Variants in ZNF527 observed in about 807,000 individuals in gnomAD.
The protein encoded by ZNF527 is zinc finger protein 527.
A neutral mutation model predicts 13.5 loss-of-function variants in ZNF527; 5 were observed. The observed-to-expected ratio is 0.37, with a 90% CI of 0.19 to 0.78. The LOEUF (loss-of-function observed/expected upper bound fraction) is 0.78. ZNF527 is among the 30% of genes least tolerant of loss of function. ZNF527 has a pLI of 0.48. For missense variants in ZNF527, 628 were observed against 726.4 expected (o/e 0.86, Z 1.56); for synonymous variants, 209 against 243.1 (o/e 0.86, Z 1.30).
intron 4 of ZNF527, among the ~76,000 whole-genome samples, chr19:37,383,501 G>T (rs546826498): frequency 4.8e-4 from 73 of 151,046 alleles, no homozygotes; most frequent in African/African-American, 1.7e-3. Flanking sequence ...CTCCCAATGT[G>T]CTGGGATTAT....
In ZNF527 at chr19:37,388,457, T is replaced by A; in HGVS notation, c.408T>A (p.Phe136Leu). The A allele has an allele frequency of 6.2e-7, 1 of 1,614,176 alleles. No homozygotes were observed. Among genetic ancestry groups the A allele is most frequent in the Non-Finnish European group, 8.5e-7 (1 of 1,180,020 alleles). ...AAGCCTGGAAATATAAGGGTGAATT[T>A]GAGCTACATCAGGGAAATGCGGAGA... Reference protein sequence around the residue: ...FREAWKYKGEFELHQGNAERH... With the variant: ...FREAWKYKGELELHQGNAERH... Residue 136 changes from phenylalanine to leucine, a missense_variant, in exon 5 of 5, where the codon TTT becomes TTA. Phe to Leu is a conservative substitution (Grantham distance 22). Around this residue, in one of 3 missense-constraint regions of ZNF527, gnomAD observed 592 missense variants for 678.0 expected, o/e 0.87. Transcript: ENST00000436120.
rs1416078303 is a variant in ZNF527, at chr19:37,380,391, G to A, written c.256+19G>A. On this transcript the variant is annotated intron_variant, in intron 4 of 4. Transcript: ENST00000436120. ...TGTGCAGGTGAGTGACAGATCACCAGGCAGGGAGGACTATTGTAAGGTACT... is the reference window on the plus strand; with the variant it reads ...TGTGCAGGTGAGTGACAGATCACCAAGCAGGGAGGACTATTGTAAGGTACT... 1 of 1,606,974 alleles carries A rather than the reference G, an allele frequency of 6.2e-7. No homozygotes were observed. The highest frequency in any genetic ancestry group is 2.2e-5 in the East Asian group (1 of 44,828).
At chr19:37,372,712 AT>A (rs1309078629) in intron 1 of ZNF527, among the ~76,000 whole-genome samples, 1 of 151,538 alleles carries the variant, frequency 6.6e-6, no homozygotes, top group Admixed American at 6.6e-5. Context: ...GTCTCAAGTG[AT>A]TTGCCCACCT....
Position 37,380,326 on chromosome 19 carries a change from G to T in ZNF527, c.210G>T (p.Lys70Asn). The change falls in exon 4 of 5, where the codon AAG becomes AAT. Residue 70 changes from lysine to asparagine, a missense_variant. Lys to Asn is a moderately conservative substitution (Grantham distance 94). Coordinates refer to ENST00000436120, the MANE Select transcript of ZNF527 (RefSeq NM_032453.2). ...PNMISLLEQG[K>N]EPWMVERKMS... ...TGATCTCCTTACTGGAGCAAGGGAA[G>T]GAACCGTGGATGGTGGAGAGAAAGA... The T allele has an allele frequency of 6.2e-7, 1 of 1,614,116 alleles. No individual in the cohort carries two copies. Among genetic ancestry groups the T allele is most frequent in the South Asian group, 1.1e-5 (1 of 91,082 alleles).
chr19:37,376,001 G>A (rs567159500), intron 2 of ZNF527, among the ~76,000 whole-genome samples: 1 of 152,334 alleles, frequency 6.6e-6, no homozygotes, highest in East Asian at 1.9e-4. Context: ...TTCATGGAAT[G>A]ACTGGGATGA....
chr19:37,387,271 A>C (rs1044732063), intron 4 of ZNF527, among the ~76,000 whole-genome samples: 1 of 152,242 alleles, frequency 6.6e-6, no homozygotes, highest in African/African-American at 2.4e-5. Context: ...ATATTTTGGA[A>C]TCCTGATTAT....
intron 1 of ZNF527, among the ~76,000 whole-genome samples, chr19:37,372,462 CTTTTCTTTT>C (rs1401377902): frequency 1.9e-5 from 2 of 106,688 alleles, no homozygotes; most frequent in African/African-American, 4.6e-5. Flanking sequence ...CTTTTCTTTT[CTTTTCTTTT>C]TTTTTTTTTT....
At chr19:37,382,127 C>G (rs1703786427) in intron 4 of ZNF527, among the ~76,000 whole-genome samples, 1 of 152,014 alleles carries the variant, frequency 6.6e-6, no homozygotes, top group African/African-American at 2.4e-5. Context: ...TCTTATTTTC[C>G]TTGCCCCAGC....
intron 4 of ZNF527, among the ~76,000 whole-genome samples, chr19:37,387,115 G>C (rs1231544455): frequency 6.6e-6 from 1 of 152,208 alleles, no homozygotes; most frequent in African/African-American, 2.4e-5. Context: ...GACCTATACT[G>C]GAGACAGCTT....
Position 37,380,445 on chromosome 19 carries a change from T to C in ZNF527, c.256+73T>C, listed in dbSNP as rs966222534. ...CCAAGTAGTAAGTAGGAAACTGTTTTGAGCTTCAGGTGGGATGAGAACTGA... is the reference window on the plus strand; with the variant it reads ...CCAAGTAGTAAGTAGGAAACTGTTTCGAGCTTCAGGTGGGATGAGAACTGA... On this transcript the variant is annotated intron_variant, in intron 4 of 4. Coordinates refer to ENST00000436120, the MANE Select transcript of ZNF527 (RefSeq NM_032453.2). 8.4e-6 allele frequency: 11 copies of C among 1,308,648 alleles called. No homozygotes were observed. The Admixed American group carries it at 2.0e-4, about 24-fold the overall frequency. The allele number at this position is 1,308,648 out of a possible 1,614,324, so 81.1% of individuals were successfully genotyped here.
intron 2 of ZNF527, among the ~76,000 whole-genome samples, chr19:37,377,712 GGGGCCCCTGACA>G (rs2040619606): frequency 6.6e-6 from 1 of 152,142 alleles, no homozygotes; most frequent in South Asian, 2.1e-4. Context: ...GCTGGGTGGA[GGGGCCCCTGACA>G]GGTGCTCTGA....
Position 37,392,580 on chromosome 19 carries a change from G to A in ZNF527, c.*2701G>A, listed in dbSNP as rs1335811599. 6.6e-6 allele frequency: 1 copy of A among 152,040 alleles called. No homozygotes were observed. Among genetic ancestry groups the A allele is most frequent in the Non-Finnish European group, 1.5e-5 (1 of 68,022 alleles). 9.4% of individuals were successfully genotyped at this position (152,040 alleles called of 1,614,324 possible). On this transcript the variant is annotated 3_prime_UTR_variant, in exon 5 of 5. Transcript: ENST00000436120. ...AAGTTTCGCGTTTTTCTGTAGAGAT[G>A]GGGTTTCGCGAGTTGCCCAGGCTGG... is the stretch of plus-strand genomic sequence containing the variant.
chr19:37,386,140 C>CGTTTTTT (rs2040696803), intron 4 of ZNF527, among the ~76,000 whole-genome samples: 1 of 72,456 alleles, frequency 1.4e-5, no homozygotes, highest in African/African-American at 6.7e-5. Context: ...TCTTCTTTTC[C>CGTTTTTT]TTTTTTTTTT....
intron 4 of ZNF527, chr19:37,385,627 A>G: frequency 3.2e-6 from 1 of 313,336 alleles, no homozygotes; most frequent in Non-Finnish European, 5.7e-6. Context: ...TAAAATCCTT[A>G]TGGAATTCTG....
intron 2 of ZNF527, among the ~76,000 whole-genome samples, chr19:37,374,746 C>T (rs1022663779): frequency 3.3e-5 from 5 of 152,186 alleles, no homozygotes; most frequent in African/African-American, 9.7e-5. Flanking sequence ...AACCAAATTA[C>T]GTAGGCCCTT....
In ZNF527 at chr19:37,392,359, G is replaced by T. The variant is rs879343560; in HGVS notation, c.*2480G>T. 6.6e-6 allele frequency: 1 copy of T among 152,094 alleles called. No homozygotes were observed. Among genetic ancestry groups the T allele is most frequent in the Non-Finnish European group, 1.5e-5 (1 of 68,030 alleles). The allele number at this position is 152,094 out of a possible 1,614,324, so 9.4% of individuals were successfully genotyped here. A position where few individuals can be genotyped will look rare whatever the true frequency, so the allele number is the denominator to read the frequency against. ...AGAATGACTCAGATCAGTAAGAAGA[G>T]TCTGAGTTACTCACTAATTGATTTT... On this transcript the variant is annotated 3_prime_UTR_variant, in exon 5 of 5. Coordinates refer to ENST00000436120, the MANE Select transcript of ZNF527 (RefSeq NM_032453.2).
chr19:37,385,059 C>G (rs528008642), intron 4 of ZNF527: 13 of 595,214 alleles, frequency 2.2e-5, no homozygotes, highest in Non-Finnish European at 3.7e-5. Flanking sequence ...CTCCTGGGCT[C>G]AAGCGATCCT....
rs763144405 is a variant in ZNF527, at chr19:37,388,420, C to T, written c.371C>T (p.Ser124Phe). The change falls in exon 5 of 5, where the codon TCC becomes TTC. Residue 124 changes from serine (S) to phenylalanine (F), a missense_variant. By Grantham distance (155) the Ser-to-Phe change is radical. Transcript: ENST00000436120. ...CTAGCAAGTCATGGCCTTGAATGCT[C>T]CAGTTTCAGAGAAGCCTGGAAATAT... ...ERLASHGLEC[S>F]SFREAWKYKG... is the part of the protein sequence containing the mutation. 1.2e-6 allele frequency: 2 copies of T among 1,614,060 alleles called. No homozygotes were observed. The highest frequency in any genetic ancestry group is 1.7e-6 in the Non-Finnish European group (2 of 1,180,024).
intron 2 of ZNF527, 68 bp downstream of exon 2, chr19:37,374,299 G>GA (rs745884769): frequency 6.0e-5 from 91 of 1,514,610 alleles, no homozygotes; most frequent in African/African-American, 9.6e-5. Context: ...GGACCACAGG[G>GA]AAAATCACAA....
Sources: gnomAD v4.1 joint callset for allele counts (sites outside exome capture counted in the v4.1 genomes callset) on GRCh38, gnomAD v4.1.1 for gene constraint, gnomAD v4.1.1 regional missense constraint, MANE v1.5 for transcripts, NCBI Gene and HGNC (gene_info 2026-07-23, HGNC 2026-07-21) for gene names.